IGF2BP1: variants seen among roughly 807,000 people sequenced by gnomAD.
IGF2BP1 encodes insulin-like growth factor 2 mRNA-binding protein 1.
Under a neutral mutation model 74.9 loss-of-function variants are expected in IGF2BP1, and 11 were observed. The ratio of observed to expected loss-of-function variants is 0.15; its 90% CI spans 0.09 to 0.24. IGF2BP1 has a LOEUF of 0.24. IGF2BP1 is among the 10% of genes least tolerant of loss of function. The pLI, the probability that IGF2BP1 is intolerant of heterozygous loss-of-function variation, is 1.00. For missense variants in IGF2BP1, 440 were observed against 757.4 expected (o/e 0.58, Z 4.92); for synonymous variants, 287 against 281.8 (o/e 1.02, Z -0.18).
intron 2 of IGF2BP1, among the ~76,000 whole-genome samples, chr17:49,024,336 C>T (rs1368283897): frequency 3.9e-5 from 6 of 151,950 alleles, no homozygotes; most frequent in Admixed American, 1.3e-4. Context: ...ATCACTCGAT[C>T]GCAGCAGGTC....
At chr17:49,007,802 T>C (rs1022282241) in intron 2 of IGF2BP1, among the ~76,000 whole-genome samples, 2 of 152,220 alleles carry the variant, frequency 1.3e-5, no homozygotes, top group Admixed American at 6.5e-5. Context: ...CCTTAAGGTC[T>C]CTAAGTTGCT....
rs1238545575 is a variant in IGF2BP1, at chr17:49,025,311, AAAGTGTGTGTGTGTGTGT to A, written c.237-306_237-289del. On this transcript the variant is annotated intron_variant, in intron 2 of 14. Transcript: ENST00000290341. ...GGAATGAGAAAGTGGTGGGACAAAC[AAAGTGTGTGTGTGTGTGT>A]GTGTGTGTGTGTGTGTGTGTGTGTG... Among the ~76,000 whole-genome samples, 321 of 108,818 alleles carry A rather than the reference AAAGTGTGTGTGTGTGTGT, an allele frequency of 2.9e-3. 1 individual carries two copies. The highest frequency in any genetic ancestry group is 9.3e-3 in the African/African-American group (297 of 31,876). The allele number at this position is 108,818 out of a possible 152,430, so 71.4% of individuals were successfully genotyped here.
At chr17:49,009,336 A>G (rs1488334488) in intron 2 of IGF2BP1, among the ~76,000 whole-genome samples, 1 of 151,504 alleles carries the variant, frequency 6.6e-6, no homozygotes, top group Non-Finnish European at 1.5e-5. Context: ...CCTGCTGGAA[A>G]TATAATTTAA....
At chr17:49,006,010 C>T (rs912730770) in intron 2 of IGF2BP1, among the ~76,000 whole-genome samples, 4 of 152,046 alleles carry the variant, frequency 2.6e-5, no homozygotes, top group African/African-American at 4.8e-5. Flanking sequence ...TGCAGTGAGC[C>T]GAGATCGCAC....
In IGF2BP1 at chr17:48,997,604, C is replaced by T; in HGVS notation, c.-142C>T. ...CAGGCCGCCTTCCCCGCCCTGGGCT[C>T]GGGACAACTTCTGGGGTGGGGTGCA... On this transcript the variant is annotated 5_prime_UTR_variant, in exon 1 of 15. Coordinates refer to ENST00000290341, the MANE Select transcript of IGF2BP1 (RefSeq NM_006546.4). This position sits in a 1 kb window ranked among gnomAD's most constrained non-coding sequence, Gnocchi z 4.8. 7 of 874,728 alleles carry T rather than the reference C, an allele frequency of 8.0e-6. No homozygotes were observed. Among genetic ancestry groups the T allele is most frequent in the Non-Finnish European group, 8.6e-6 (5 of 582,202 alleles). The allele number at this position is 874,728 out of a possible 1,614,324, so 54.2% of individuals were successfully genotyped here.
At chr17:49,018,406 T>C (rs1205879816) in intron 2 of IGF2BP1, among the ~76,000 whole-genome samples, 1 of 152,204 alleles carries the variant, frequency 6.6e-6, no homozygotes, top group Non-Finnish European at 1.5e-5. Flanking sequence ...AGTCTAGCTT[T>C]GTTGTCTAAT....
chr17:49,019,902 A>ATT (rs1265537995), intron 2 of IGF2BP1, among the ~76,000 whole-genome samples: 28 of 45,004 alleles, frequency 6.2e-4, no homozygotes, highest in African/African-American at 1.5e-3. Context: ...CACCTGGCTA[A>ATT]TTTATATATA....
intron 5 of IGF2BP1, chr17:49,037,104 A>C: frequency 5.9e-6 from 2 of 341,030 alleles, no homozygotes; most frequent in South Asian, 6.4e-5. Flanking sequence ...ATTTTATATA[A>C]AAAACAATGG....
At chr17:49,045,786 G>A in intron 12 of IGF2BP1, 104 bp from the exon 13 acceptor site, 2 of 1,237,222 alleles carry the variant, frequency 1.6e-6, no homozygotes, top group African/African-American at 1.5e-5. Flanking sequence ...AGGATGGGGA[G>A]GGCCTGTGGG....
In IGF2BP1 at chr17:49,051,002, A is replaced by C. The variant is rs919653474; in HGVS notation, c.*1558A>C. ...CATGCGTGGAGTTCCCCTCCTTTCA[A>C]CATTGCAACAACAGTAACAACAAGA... is the stretch of plus-strand genomic sequence containing the variant. On this transcript the variant is annotated 3_prime_UTR_variant, in exon 15 of 15. Transcript: ENST00000290341. 1 of 152,638 alleles carries C rather than the reference A, an allele frequency of 6.6e-6. No homozygotes were observed. Among genetic ancestry groups the C allele is most frequent in the Non-Finnish European group, 1.5e-5 (1 of 68,038 alleles). 9.5% of individuals were successfully genotyped at this position (152,638 alleles called of 1,614,324 possible).
rs1176301089 is a variant in IGF2BP1, at chr17:49,032,057, A to AG, written c.401+90dup. ...GTGAGCCTGGTCCCACTTTTTCCTC[A>AG]GGGGGGTCTAGGCAGGCTGGGTCCC... On this transcript the variant is annotated intron_variant, in intron 5 of 14. Transcript: ENST00000290341. 2.5e-5 allele frequency: 30 copies of AG among 1,216,968 alleles called. No individual in the cohort carries two copies. The East Asian group carries it at 5.1e-4, about 21-fold the overall frequency. 75.4% of individuals were successfully genotyped at this position (1,216,968 alleles called of 1,614,324 possible).
At chr17:49,003,880 C>T (rs1337767277) in intron 2 of IGF2BP1, among the ~76,000 whole-genome samples, 1 of 151,844 alleles carries the variant, frequency 6.6e-6, no homozygotes, top group Non-Finnish European at 1.5e-5. Context: ...GTGTTACCCA[C>T]GGGAGAGGGG....
At chr17:49,014,353 G>T (rs2041664742) in intron 2 of IGF2BP1, among the ~76,000 whole-genome samples, 1 of 145,798 alleles carries the variant, frequency 6.9e-6, no homozygotes. Context: ...TCAGTGGCCC[G>T]CTCTGCTGCG....
At chr17:49,017,394 G>A (rs1174649969) in intron 2 of IGF2BP1, among the ~76,000 whole-genome samples, 1 of 152,072 alleles carries the variant, frequency 6.6e-6, no homozygotes, top group African/African-American at 2.4e-5. Context: ...CTGTCCAATA[G>A]AAATGCAATG....
chr17:49,043,210 C>T (rs945479419), intron 9 of IGF2BP1, among the ~76,000 whole-genome samples: 4 of 152,148 alleles, frequency 2.6e-5, no homozygotes. Flanking sequence ...AATTGCTAGC[C>T]GTTAGTCCAG....
chr17:49,043,883 C>G (rs2042081009), intron 10 of IGF2BP1, 84 bp from the exon 11 acceptor site: 1 of 1,556,580 alleles, frequency 6.4e-7, no homozygotes, highest in South Asian at 1.2e-5. Flanking sequence ...CTCCTTCCTC[C>G]TTGAGGATGC....
intron 2 of IGF2BP1, among the ~76,000 whole-genome samples, chr17:49,016,989 A>G (rs1411156102): frequency 6.9e-6 from 1 of 144,952 alleles, no homozygotes; most frequent in Non-Finnish European, 1.5e-5. Flanking sequence ...TTCTTGGACA[A>G]TTTTTTTTTT....
intron 2 of IGF2BP1, among the ~76,000 whole-genome samples, chr17:49,007,661 C>T (rs1200965453): frequency 6.6e-6 from 1 of 152,158 alleles, no homozygotes; most frequent in African/African-American, 2.4e-5. Flanking sequence ...TTGCTTGGGG[C>T]TCGTCAACTT....
At chr17:49,038,537 C>G in intron 6 of IGF2BP1, 88 bp downstream of exon 6, 1 of 1,280,318 alleles carries the variant, frequency 7.8e-7, no homozygotes, top group Non-Finnish European at 1.0e-6. Flanking sequence ...ATGCTGGAGA[C>G]ATCAACATTT....
Sources: gnomAD v4.1 joint callset for allele counts (sites outside exome capture counted in the v4.1 genomes callset) on GRCh38, gnomAD v4.1.1 for gene constraint, Gnocchi (gnomAD v3.1) non-coding constraint, MANE v1.5 for transcripts, NCBI Gene and HGNC (gene_info 2026-07-23, HGNC 2026-07-21) for gene names.